The following CLASP2 variants were observed in gnomAD, a reference collection of about 807,000 sequenced individuals.
CLASP2 encodes CLIP-associating protein 2.
Under a neutral mutation model 194.4 loss-of-function variants are expected in CLASP2, and 47 were observed. That is an observed-to-expected ratio of 0.24 (90% CI 0.19 to 0.31). The LOEUF is 0.31. Among genes scored for constraint, CLASP2 ranks in the 10% least tolerant of loss-of-function variants. The pLI, the probability that CLASP2 is intolerant of heterozygous loss-of-function variation, is 1.00. For synonymous variants in CLASP2, 619 were observed against 633.5 expected, an observed-to-expected ratio of 0.98 and a Z score of 0.34; for missense variants, 1,445 against 1,823.6, an observed-to-expected ratio of 0.79 and a Z score of 3.78.
chr3:33,657,310 C>A (rs2084426138), intron 7 of CLASP2, among the ~76,000 whole-genome samples: 1 of 152,054 alleles, frequency 6.6e-6, no homozygotes, highest in Non-Finnish European at 1.5e-5. Flanking sequence ...TCACTATATA[C>A]ATATCTTTAT....
chr3:33,650,906 C>T (rs1189169412), intron 7 of CLASP2, among the ~76,000 whole-genome samples: 1 of 152,108 alleles, frequency 6.6e-6, no homozygotes. Context: ...ACACTATAGG[C>T]CCACAATGAC....
chr3:33,717,662 T>A, intron 1 of CLASP2, 146 bp downstream of exon 1: 1 of 853,540 alleles, frequency 1.2e-6, no homozygotes, highest in South Asian at 1.7e-5. Flanking sequence ...CCTGACCTCG[T>A]GATCCGCCCG....
intron 6 of CLASP2, among the ~76,000 whole-genome samples, chr3:33,680,842 T>C (rs1424123220): frequency 6.6e-6 from 1 of 151,460 alleles, no homozygotes; most frequent in Non-Finnish European, 1.5e-5. Context: ...TTAAGAATAA[T>C]AAAGCTAGGT....
intron 1 of CLASP2, among the ~76,000 whole-genome samples, chr3:33,710,693 G>C (rs964469374): frequency 2.0e-5 from 3 of 152,224 alleles, no homozygotes; most frequent in African/African-American, 4.8e-5. Flanking sequence ...CCAGTACTTT[G>C]GGAGGCCAAG....
At chr3:33,550,778 T>A (rs1328784042) in intron 30 of CLASP2, among the ~76,000 whole-genome samples, 8 of 152,160 alleles carry the variant, frequency 5.3e-5, no homozygotes, top group African/African-American at 1.9e-4. Context: ...CAAATGTAAA[T>A]CTTTTCTACT....
chr3:33,510,471 A>G, intron 37 of CLASP2, 87 bp downstream of exon 37: 1 of 1,204,648 alleles, frequency 8.3e-7, no homozygotes, highest in Admixed American at 2.0e-5. Flanking sequence ...AGGCTTGATC[A>G]TGCCAGTAAT....
intron 21 of CLASP2, among the ~76,000 whole-genome samples, chr3:33,589,261 G>T (rs1005077418): frequency 6.6e-6 from 1 of 152,012 alleles, no homozygotes; most frequent in African/African-American, 2.4e-5. Context: ...CAGAAAAAGA[G>T]ACACAATTTT....
intron 6 of CLASP2, among the ~76,000 whole-genome samples, chr3:33,668,080 G>A (rs773637123): frequency 2.0e-4 from 31 of 152,200 alleles, no homozygotes; most frequent in Admixed American, 1.4e-3. Context: ...TTAGCCCGGT[G>A]TGGTAGCAGG....
At chr3:33,703,733 G>C (rs2092521698) in intron 1 of CLASP2, among the ~76,000 whole-genome samples, 1 of 152,154 alleles carries the variant, frequency 6.6e-6, no homozygotes, top group Admixed American at 6.5e-5. Flanking sequence ...CAATCCACTG[G>C]CCTTGGCCTC....
chr3:33,535,405 T>G lies in CLASP2; in HGVS notation c.3615A>C (p.Ser1205=). The change falls in exon 34 of 39, where the codon TCA becomes TCC. Residue 1205 remains serine, a synonymous_variant. Transcript: ENST00000682230. ...CTTTATTATCAAGAGCTGTTTGACT[T>G]GAGTCAGTAGCATCACCTCCTGCTC... ...DPRAGGDATD[S]SQTALDNKAS... 6.2e-7 allele frequency: 1 copy of G among 1,614,032 alleles called. No individual in the cohort carries two copies. The highest frequency in any genetic ancestry group is 8.5e-7 in the Non-Finnish European group (1 of 1,179,886).
At chr3:33,697,154 T>C (rs2091997524) in intron 1 of CLASP2, among the ~76,000 whole-genome samples, 1 of 152,170 alleles carries the variant, frequency 6.6e-6, no homozygotes, top group Non-Finnish European at 1.5e-5. Flanking sequence ...AAGATAGCAA[T>C]AAAGCATATT....
chr3:33,533,877 C>T (rs926640190), intron 34 of CLASP2, among the ~76,000 whole-genome samples: 10 of 152,028 alleles, frequency 6.6e-5, no homozygotes, highest in African/African-American at 1.9e-4. Context: ...CCACCACGCC[C>T]AGCTAATTTT....
intron 29 of CLASP2, among the ~76,000 whole-genome samples, chr3:33,554,428 T>C (rs1011711774): frequency 3.9e-5 from 6 of 152,192 alleles, no homozygotes; most frequent in African/African-American, 1.4e-4. Flanking sequence ...TACTGTATGA[T>C]CTTATTTACA....
intron 34 of CLASP2, among the ~76,000 whole-genome samples, chr3:33,520,672 G>A (rs1351475941): frequency 6.6e-6 from 1 of 152,046 alleles, no homozygotes; most frequent in Non-Finnish European, 1.5e-5. Context: ...TGATCAAATT[G>A]GTAAACATAT....
intron 36 of CLASP2, among the ~76,000 whole-genome samples, chr3:33,512,618 T>C (rs963020960): frequency 2.1e-5 from 3 of 145,756 alleles, no homozygotes; most frequent in Admixed American, 6.8e-5. Context: ...TTGATGCTAC[T>C]TTGGCAGTCT....
chr3:33,564,079 T>G, intron 27 of CLASP2: 1 of 367,894 alleles, frequency 2.7e-6, no homozygotes. Context: ...ATGGTGCTAT[T>G]TAGCTTTTTC....
In CLASP2 at chr3:33,694,815, C is replaced by T. The variant is rs189416808; in HGVS notation, c.274+2040G>A. 2.0e-4 allele frequency among the ~76,000 whole-genome samples: 30 copies of T among 152,210 alleles called. No homozygotes were observed. In the East Asian group the frequency reaches 5.2e-3, roughly 26 times the overall value. On this transcript the variant is annotated intron_variant, in intron 2 of 38. Transcript: ENST00000682230. ...TACAGGCTGGGCATGGTGGCTCACA[C>T]CTGTGGTCCCAGCTACTCAGGAGGC... is the stretch of plus-strand genomic sequence containing the variant.
At chr3:33,523,354 A>T (rs2053657890) in intron 34 of CLASP2, among the ~76,000 whole-genome samples, 1 of 152,216 alleles carries the variant, frequency 6.6e-6, no homozygotes, top group South Asian at 2.1e-4. Flanking sequence ...AAAGAGAGCC[A>T]CATCAAGACA....
chr3:33,614,532 G>A (rs2075766034), intron 12 of CLASP2, among the ~76,000 whole-genome samples: 1 of 152,192 alleles, frequency 6.6e-6, no homozygotes, highest in Non-Finnish European at 1.5e-5. Flanking sequence ...TCCTAGACCT[G>A]CTGTGGGGAA....
Sources: allele counts gnomAD v4.1 joint callset (sites outside exome capture counted in the v4.1 genomes callset), GRCh38; gene constraint gnomAD v4.1.1; transcripts MANE v1.5; gene names NCBI Gene and HGNC (gene_info 2026-07-23, HGNC 2026-07-21).